Variants in LRRC8B observed in about 807,000 individuals in gnomAD.
LRRC8B encodes leucine rich repeat containing 8 VRAC subunit B.
In LRRC8B, 23 loss-of-function variants were observed where a neutral mutation model predicts 58.8. The observed-to-expected ratio is 0.39, with a 90% CI of 0.28 to 0.55. The LOEUF is 0.55. LRRC8B is among the 20% of genes least tolerant of loss of function. The pLI is 0.62. For missense variants in LRRC8B, 694 were observed against 936.0 expected (o/e 0.74, Z 3.37); for synonymous variants, 359 against 374.1 (o/e 0.96, Z 0.47).
chr1:89,567,774 C>T (rs114647160), intron 1 of LRRC8B, among the ~76,000 whole-genome samples: 10 of 151,794 alleles, frequency 6.6e-5, no homozygotes, highest in African/African-American at 2.4e-4. Context: ...GAGATGTTTA[C>T]AACATTATTA....
At chr1:89,554,512 C>A (rs988908471) in intron 1 of LRRC8B, among the ~76,000 whole-genome samples, 23 of 152,152 alleles carry the variant, frequency 1.5e-4, no homozygotes, top group Admixed American at 2.6e-4. Flanking sequence ...GAGTGTGACA[C>A]CTTTCGATTG....
Position 89,597,464 on chromosome 1 carries a change from G to A in LRRC8B, c.*4421G>A, listed in dbSNP as rs1655349857. 1 of 152,176 alleles carries A rather than the reference G, an allele frequency of 6.6e-6. No individual in the cohort carries two copies. Among genetic ancestry groups the A allele is most frequent in the African/African-American group, 2.4e-5 (1 of 41,448 alleles). The allele number at this position is 152,176 out of a possible 1,614,324, so 9.4% of individuals were successfully genotyped here. On this transcript the variant is annotated 3_prime_UTR_variant, in exon 6 of 6. Coordinates refer to ENST00000330947, the MANE Select transcript of LRRC8B (RefSeq NM_001369817.2). ...AGGGGTATAGAGTTAGAATGGATGTGTTCGTGCATATATATGTTGTATTTA... is the reference window on the plus strand; with the variant it reads ...AGGGGTATAGAGTTAGAATGGATGTATTCGTGCATATATATGTTGTATTTA...
At position 89,594,639 on chromosome 1, in the gene LRRC8B, C is replaced by G. The variant is rs1282428081; in HGVS notation, c.*1596C>G. 1 of 152,106 alleles carries G rather than the reference C, an allele frequency of 6.6e-6. No homozygotes were observed. The highest frequency in any genetic ancestry group is 1.5e-5 in the Non-Finnish European group (1 of 68,004). The allele number at this position is 152,106 out of a possible 1,614,324, so 9.4% of individuals were successfully genotyped here. On this transcript the variant is annotated 3_prime_UTR_variant, in exon 6 of 6. Coordinates refer to ENST00000330947, the MANE Select transcript of LRRC8B (RefSeq NM_001369817.2). ...GAAATAGATCCATTTAACTGAAATTCATCTCATGCCTTTATCTAACTCTTC... is the reference window on the plus strand; with the variant it reads ...GAAATAGATCCATTTAACTGAAATTGATCTCATGCCTTTATCTAACTCTTC...
intron 3 of LRRC8B, among the ~76,000 whole-genome samples, chr1:89,576,813 G>A (rs760152337): frequency 1.1e-4 from 17 of 152,108 alleles, no homozygotes; most frequent in Non-Finnish European, 2.1e-4. Context: ...ACTACAAAGG[G>A]ACATAAGGAA....
At chr1:89,554,877 A>G (rs754242800) in intron 1 of LRRC8B, among the ~76,000 whole-genome samples, 6 of 152,216 alleles carry the variant, frequency 3.9e-5, no homozygotes, top group Non-Finnish European at 7.3e-5. Context: ...TTGCTAAGAA[A>G]TAACCATAGA....
chr1:89,587,496 GCACTCT>G (rs1419649925), intron 5 of LRRC8B, among the ~76,000 whole-genome samples: 1 of 152,102 alleles, frequency 6.6e-6, no homozygotes, highest in African/African-American at 2.4e-5. Flanking sequence ...TCTTGCCACT[GCACTCT>G]AGCCTGAGCG....
rs1388085489 is a variant in LRRC8B at position 89,592,991 on chromosome 1, C to T, written c.2360C>T (p.Thr787Ile). ...ATTGTTGAGGAGAACTTGCTCAATA[C>T]TCTTCCTCTCCCTGTAACAGAACGT... ...CLIVEENLLN[T>I]LPLPVTERLQ... The change falls in exon 6 of 6, where the codon ACT (threonine) becomes ATT (isoleucine). Residue 787 changes from threonine to isoleucine, a missense_variant. Physicochemically the swap from Thr to Ile is moderately conservative, Grantham distance 89. Coordinates refer to ENST00000330947, the MANE Select transcript of LRRC8B (RefSeq NM_001369817.2). 1 of 1,613,982 alleles carries T rather than the reference C, an allele frequency of 6.2e-7. No homozygotes were observed. The highest frequency in any genetic ancestry group is 8.5e-7 in the Non-Finnish European group (1 of 1,179,834).
intron 1 of LRRC8B, among the ~76,000 whole-genome samples, chr1:89,560,087 A>G (rs1000583047): frequency 6.6e-6 from 1 of 152,224 alleles, no homozygotes; most frequent in African/African-American, 2.4e-5. Context: ...ATTACATGTA[A>G]GGAAAATTAG....
At chr1:89,573,157 G>A (rs1007527974) in intron 3 of LRRC8B, among the ~76,000 whole-genome samples, 3 of 151,898 alleles carry the variant, frequency 2.0e-5, no homozygotes, top group Admixed American at 2.0e-4. Context: ...AAAATTAGCC[G>A]GGCGTGGTGG....
chr1:89,583,225 C>T lies in LRRC8B; in HGVS notation c.575C>T (p.Ser192Phe). 1.2e-6 allele frequency: 2 copies of T among 1,614,150 alleles called. No individual in the cohort carries two copies. The highest frequency in any genetic ancestry group is 1.7e-6 in the Non-Finnish European group (2 of 1,180,024). The change falls in exon 5 of 6, where the codon TCC becomes TTC. Residue 192 changes from serine (S) to phenylalanine (F), a missense_variant. Ser to Phe is a radical substitution (Grantham distance 155, BLOSUM62 -2). Coordinates refer to ENST00000330947, the MANE Select transcript of LRRC8B (RefSeq NM_001369817.2). The surrounding 1 kb of genome is among the most constrained non-coding windows in gnomAD (Gnocchi z 5.2). Reference sequence around the variant, plus strand: ...TCCAAGTCCAAGATTTTGCTTTCGTCCTCAGGGTGTTCAGCTGACATAGAT... The same window carrying T: ...TCCAAGTCCAAGATTTTGCTTTCGTTCTCAGGGTGTTCAGCTGACATAGAT... ...KLSKSKILLS[S>F]SGCSADIDSG...
At chr1:89,540,245 G>C (rs1013233751) in intron 1 of LRRC8B, among the ~76,000 whole-genome samples, 13 of 152,222 alleles carry the variant, frequency 8.5e-5, no homozygotes, top group Middle Eastern at 6.8e-3. Context: ...AATATAAGTT[G>C]TGATACATGA....
Position 89,575,136 on chromosome 1 carries a change from A to C in LRRC8B, c.-124-4455A>C, listed in dbSNP as rs142914600. On this transcript the variant is annotated intron_variant, in intron 3 of 5. Transcript: ENST00000330947. ...AGAGGAATGTAAATCATTTCTGGCC[A>C]GAGAGTAGACTGTGGTGGACTAAGC... 2.2e-3 allele frequency among the ~76,000 whole-genome samples: 337 copies of C among 152,222 alleles called. 3 individuals carry two copies. Among genetic ancestry groups the C allele is most frequent in the African/African-American group, 7.9e-3 (327 of 41,544 alleles).
intron 1 of LRRC8B, among the ~76,000 whole-genome samples, chr1:89,550,618 T>A (rs957266527): frequency 3.9e-5 from 6 of 152,206 alleles, no homozygotes; most frequent in African/African-American, 1.2e-4. Context: ...AAGGGCAAAA[T>A]TCACCAGTTA....
At chr1:89,536,049 C>T (rs1043020314) in intron 1 of LRRC8B, among the ~76,000 whole-genome samples, 4 of 152,086 alleles carry the variant, frequency 2.6e-5, no homozygotes, top group African/African-American at 7.2e-5. Context: ...TATAGCTGTC[C>T]GCTGCTCTCT....
At chr1:89,558,690 A>G (rs1652372671) in intron 1 of LRRC8B, 1 of 152,198 alleles carries the variant, frequency 6.6e-6, no homozygotes, top group South Asian at 2.1e-4. Context: ...TTTATAAGTA[A>G]CGTAAATGTA....
chr1:89,590,397 G>A (rs1408396185), intron 5 of LRRC8B, among the ~76,000 whole-genome samples: 1 of 152,210 alleles, frequency 6.6e-6, no homozygotes, highest in Non-Finnish European at 1.5e-5. Context: ...AAAATTGAAT[G>A]AGAGTAGGTG....
chr1:89,578,762 G>A (rs1041264423), intron 3 of LRRC8B, among the ~76,000 whole-genome samples: 3 of 151,854 alleles, frequency 2.0e-5, no homozygotes, highest in Non-Finnish European at 4.4e-5. Context: ...AGGTTTCATA[G>A]GCACTAAAAG....
chr1:89,583,022 G>A lies in LRRC8B; in HGVS notation c.372G>A (p.Leu124=), dbSNP rs1454149252. 2 of 1,613,966 alleles carry A rather than the reference G, an allele frequency of 1.2e-6. No homozygotes were observed. ...GGTTTGCAAAGTTTTTCCCCTATCTGGTGCTCTTGCACACGCTCATCTTTG... is the reference window on the plus strand; with the variant it reads ...GGTTTGCAAAGTTTTTCCCCTATCTAGTGCTCTTGCACACGCTCATCTTTG... ...LHWFAKFFPY[L]VLLHTLIFAA... Residue 124 remains leucine, a synonymous_variant, in exon 5 of 6, where the codon CTG becomes CTA. Coordinates refer to ENST00000330947, the MANE Select transcript of LRRC8B (RefSeq NM_001369817.2). This position sits in a 1 kb window ranked among gnomAD's most constrained non-coding sequence, Gnocchi z 5.2.
chr1:89,561,312 G>A (rs1246247144), intron 1 of LRRC8B, among the ~76,000 whole-genome samples: 7 of 140,696 alleles, frequency 5.0e-5, no homozygotes, highest in African/African-American at 2.6e-5. Context: ...AGTAGGTTGC[G>A]AAAATTTTCT....
Sources: gnomAD v4.1 joint callset for allele counts (sites outside exome capture counted in the v4.1 genomes callset) on GRCh38, gnomAD v4.1.1 for gene constraint, Gnocchi (gnomAD v3.1) non-coding constraint, MANE v1.5 for transcripts, NCBI Gene and HGNC (gene_info 2026-07-23, HGNC 2026-07-21) for gene names.